Variants in C6orf89 observed in about 807,000 individuals in gnomAD.
C6orf89 encodes chromosome 6 open reading frame 89.
C6orf89 carries 29 observed loss-of-function variants against 40.7 expected under a neutral mutation model. That is an observed-to-expected ratio of 0.71 (90% CI 0.53 to 0.97). C6orf89 has a LOEUF of 0.97. C6orf89 is among the 50% of genes least tolerant of loss of function. The probability of loss-of-function intolerance (pLI) is 0.00; values close to 1 mark genes in which losing one functional copy is unlikely to be tolerated. For missense variants in C6orf89, 392 were observed against 429.1 expected, an observed-to-expected ratio of 0.91 and a Z score of 0.76; for synonymous variants, 165 against 152.2, an observed-to-expected ratio of 1.08 and a Z score of -0.62.
intron 1 of C6orf89, among the ~76,000 whole-genome samples, chr6:36,873,253 C>G (rs1232144206): frequency 6.6e-6 from 1 of 152,082 alleles, no homozygotes; most frequent in African/African-American, 2.4e-5. Flanking sequence ...ACAAAAGTGC[C>G]TAAGGATACA....
chr6:36,916,486 T>C lies in C6orf89; in HGVS notation c.737T>C (p.Phe246Ser), dbSNP rs1583197837. Reference protein sequence around the residue: ...LNRSQMLRELFPVFTHLPFPK... With the variant: ...LNRSQMLRELSPVFTHLPFPK... ...AGATCACAAATGTTACGTGAGCTTT[T>C]TCCTGTTTTCACTCACCTGCCATTT... The change falls in exon 7 of 9, where the codon TTT (phenylalanine) becomes TCT (serine). Residue 246 changes from phenylalanine (F) to serine (S), a missense_variant. Coordinates refer to ENST00000480824, the MANE Select transcript of C6orf89 (RefSeq NM_001286635.2). 2 of 1,614,262 alleles carry C rather than the reference T, an allele frequency of 1.2e-6. No homozygotes were observed. The highest frequency in any genetic ancestry group is 1.7e-6 in the Non-Finnish European group (2 of 1,180,042).
intron 1 of C6orf89, among the ~76,000 whole-genome samples, chr6:36,878,147 A>G (rs151286316): frequency 6.6e-6 from 1 of 152,288 alleles, no homozygotes; most frequent in African/African-American, 2.4e-5. Flanking sequence ...TGGATATACA[A>G]TTGACCCAGC....
rs924015239 is a variant in C6orf89 at position 36,923,946 on chromosome 6, T to G, written c.*505T>G. On this transcript the variant is annotated 3_prime_UTR_variant, in exon 9 of 9. Transcript: ENST00000480824. ...AGTTCTTGTAGTTTCCCAAGCAAAGTGGAATCTAGAAACAGTGAAAAAAGT... is the reference window on the plus strand; with the variant it reads ...AGTTCTTGTAGTTTCCCAAGCAAAGGGGAATCTAGAAACAGTGAAAAAAGT... 5.0e-6 allele frequency: 1 copy of G among 201,008 alleles called. No individual in the cohort carries two copies. Among genetic ancestry groups the G allele is most frequent in the Non-Finnish European group, 1.0e-5 (1 of 96,198 alleles). 12.5% of individuals were successfully genotyped at this position (201,008 alleles called of 1,614,324 possible).
In C6orf89 at chr6:36,924,981, A is replaced by G. The variant is rs1554138788; in HGVS notation, c.*1540A>G. 6.6e-6 allele frequency: 1 copy of G among 152,214 alleles called. No homozygotes were observed. The highest frequency in any genetic ancestry group is 1.5e-5 in the Non-Finnish European group (1 of 68,050). 9.4% of individuals were successfully genotyped at this position (152,214 alleles called of 1,614,324 possible). On this transcript the variant is annotated 3_prime_UTR_variant, in exon 9 of 9. Coordinates refer to ENST00000480824, the MANE Select transcript of C6orf89 (RefSeq NM_001286635.2). ...GTCTATGGGCTTGCAAAGGACAAGC[A>G]GAGTTCACAGAGCTCAGGATAGAAA...
intron 3 of C6orf89, among the ~76,000 whole-genome samples, chr6:36,900,133 C>T (rs1405276962): frequency 1.3e-5 from 2 of 151,574 alleles, no homozygotes; most frequent in Non-Finnish European, 2.9e-5. Context: ...GTGATCTGCC[C>T]ACCTCAGCCT....
intron 2 of C6orf89, among the ~76,000 whole-genome samples, chr6:36,880,744 T>C (rs1201412134): frequency 6.6e-6 from 1 of 152,234 alleles, no homozygotes; most frequent in Non-Finnish European, 1.5e-5. Context: ...GAATTAGCCA[T>C]GCCCCCTAGC....
intron 4 of C6orf89, among the ~76,000 whole-genome samples, chr6:36,912,641 G>A (rs547400873): frequency 6.6e-6 from 1 of 152,156 alleles, no homozygotes; most frequent in Non-Finnish European, 1.5e-5. Flanking sequence ...GAGGAGAGGC[G>A]CCCTCCCAGG....
chr6:36,890,707 T>C (rs561805262), intron 1 of C6orf89, among the ~76,000 whole-genome samples: 32 of 152,166 alleles, frequency 2.1e-4, no homozygotes, highest in Non-Finnish European at 4.4e-4. Flanking sequence ...CTAATTTTTG[T>C]ATTTTTAGTA....
At chr6:36,891,061 T>C (rs930750372) in intron 1 of C6orf89, among the ~76,000 whole-genome samples, 2 of 152,124 alleles carry the variant, frequency 1.3e-5, no homozygotes, top group African/African-American at 4.8e-5. Flanking sequence ...TTGTTACATA[T>C]GTATATGTGT....
rs574272950 is a variant in C6orf89 at position 36,914,521 on chromosome 6, G to A, written c.556-33G>A. The A allele has an allele frequency of 5.6e-6, 9 of 1,613,106 alleles. No individual in the cohort carries two copies. In the South Asian group the frequency reaches 8.8e-5, roughly 16 times the overall value. ...TAGGAAATTTCTGACAAGTAACTCT[G>A]TGTTGTTTTGTTTTGTTTCCTGCCT... is the stretch of plus-strand genomic sequence containing the variant. On this transcript the variant is annotated intron_variant, in intron 5 of 8. Coordinates refer to ENST00000480824, the MANE Select transcript of C6orf89 (RefSeq NM_001286635.2).
At chr6:36,881,224 A>T (rs761027683), upstream of C6orf89, among the ~76,000 whole-genome samples, 164 of 152,354 alleles carry the variant, frequency 1.1e-3, no homozygotes, top group Non-Finnish European at 2.1e-3. Context: ...AAATAGGTTT[A>T]CATGCAAGGT....
chr6:36,908,577 T>C (rs910864700), intron 4 of C6orf89, among the ~76,000 whole-genome samples: 13 of 152,318 alleles, frequency 8.5e-5, no homozygotes, highest in Non-Finnish European at 1.3e-4. Context: ...TACAAATAGA[T>C]ATACTTAATA....
rs1365002010 is a variant in C6orf89 at position 36,914,649 on chromosome 6, G to A, written c.651G>A (p.Trp217Ter). ...TCTCTGAAGGGTTTTTCGCCAAGTG[G>A]TGGCGCTGCTTTCCTGAGCGGTGGT... Reference protein sequence around the residue: ...EGFSEGFFAKWWRCFPERWFP... With the variant: ...EGFSEGFFAK Residue 217 changes from tryptophan (W) to a stop codon, truncating the protein, a stop_gained, in exon 6 of 9, where the codon TGG becomes TGA. Coordinates refer to ENST00000480824, the MANE Select transcript of C6orf89 (RefSeq NM_001286635.2). LOFTEE classifies it high-confidence loss of function. 5.0e-6 allele frequency: 8 copies of A among 1,614,232 alleles called. No individual in the cohort carries two copies. The highest frequency in any genetic ancestry group is 5.9e-6 in the Non-Finnish European group (7 of 1,180,046).
In C6orf89 at chr6:36,919,566, TCTTTCCTCCAGATGCATAAGATGCCTGAC is replaced by T; in HGVS notation, c.826-9_845del. 5 of 1,607,742 alleles carry T rather than the reference TCTTTCCTCCAGATGCATAAGATGCCTGAC, an allele frequency of 3.1e-6. No homozygotes were observed. Among genetic ancestry groups the T allele is most frequent in the Non-Finnish European group, 4.3e-6 (5 of 1,175,780 alleles). ...GCCTTCCTTTTCCTCCCCTCCTCAT[TCTTTCCTCCAGATGCATAAGATGCCTGAC>T]CTATTTATCATTGGCAGCGGTGAGG... On this transcript the variant is annotated splice_acceptor_variant and splice_polypyrimidine_tract_variant and coding_sequence_variant and intron_variant, in exon 8 of 9. Transcript: ENST00000480824. LOFTEE classifies it high-confidence loss of function.
At position 36,914,227 on chromosome 6, in the gene C6orf89, G is replaced by T. The variant is rs1762230511; in HGVS notation, c.404-57G>T. The T allele has an allele frequency of 2.8e-6, 4 of 1,445,406 alleles. No homozygotes were observed. The South Asian group carries it at 5.0e-5, about 18-fold the overall frequency. 89.5% of individuals were successfully genotyped at this position (1,445,406 alleles called of 1,614,324 possible). On this transcript the variant is annotated intron_variant, in intron 4 of 8. Coordinates refer to ENST00000480824, the MANE Select transcript of C6orf89 (RefSeq NM_001286635.2). The stretch of plus-strand genomic sequence containing the variant: ...TCTTGTTTCATTGTTGGAGCTACTG[G>T]ATGTACCAGCTATGCTCTTTCAGTA...
intron 8 of C6orf89, among the ~76,000 whole-genome samples, chr6:36,922,670 TA>T (rs1346931972): frequency 6.6e-6 from 1 of 152,230 alleles, no homozygotes; most frequent in Non-Finnish European, 1.5e-5. Context: ...TTCTCAGGCT[TA>T]CTTGGCCATG....
chr6:36,886,151 G>T lies in C6orf89; in HGVS notation c.-120+123G>T, dbSNP rs1774977707. 5 of 914,476 alleles carry T rather than the reference G, an allele frequency of 5.5e-6. No homozygotes were observed. In the South Asian group the frequency reaches 2.5e-4, roughly 46 times the overall value. The allele number at this position is 914,476 out of a possible 1,614,324, so 56.6% of individuals were successfully genotyped here. A position where few individuals can be genotyped will look rare whatever the true frequency, so the allele number is the denominator to read the frequency against. On this transcript the variant is annotated intron_variant, in intron 1 of 8. Coordinates refer to ENST00000480824, the MANE Select transcript of C6orf89 (RefSeq NM_001286635.2). ...CTGCTACCACCCTCTATCCCAGCGC[G>T]GATCCCTTTTCTCAGTCTCTCCAGT... is the stretch of plus-strand genomic sequence containing the variant.
At chr6:36,897,675 T>C (rs1384414841) in intron 2 of C6orf89, among the ~76,000 whole-genome samples, 1 of 152,236 alleles carries the variant, frequency 6.6e-6, no homozygotes, top group Admixed American at 6.5e-5. Context: ...CTCTAGGTGA[T>C]TCTAATGTGC....
chr6:36,910,097 T>C (rs1484307104), intron 4 of C6orf89, among the ~76,000 whole-genome samples: 3 of 152,002 alleles, frequency 2.0e-5, no homozygotes, highest in Non-Finnish European at 4.4e-5. Context: ...CATGAATATA[T>C]GTGAACTCTC....
Sources: allele counts gnomAD v4.1 joint callset (sites outside exome capture counted in the v4.1 genomes callset), GRCh38; gene constraint gnomAD v4.1.1; transcripts MANE v1.5; gene names NCBI Gene and HGNC (gene_info 2026-07-23, HGNC 2026-07-21).